MAF: variants seen among roughly 807,000 people sequenced by gnomAD.
MAF encodes transcription factor Maf.
In MAF, 10 loss-of-function variants were observed where a neutral mutation model predicts 22.0. That is an observed-to-expected ratio of 0.45 (90% CI 0.28 to 0.77). MAF has a LOEUF of 0.77. MAF is among the 30% of genes least tolerant of loss of function. The probability of loss-of-function intolerance (pLI) is 0.12; values close to 1 mark genes in which losing one functional copy is unlikely to be tolerated. For synonymous variants in MAF, 337 were observed against 255.8 expected (o/e 1.32, Z -3.03); for missense variants, 544 against 548.4 (o/e 0.99, Z 0.08).
chr16:79,315,398 T>C, the MAF span, among the ~76,000 whole-genome samples: 1 of 152,212 alleles, frequency 6.6e-6, no homozygotes, highest in Non-Finnish European at 1.5e-5. Flanking sequence ...AACTAACATC[T>C]ATTGATTATA....
the MAF span, among the ~76,000 whole-genome samples, chr16:79,227,764 C>G: frequency 2.4e-4 from 37 of 152,086 alleles, no homozygotes; most frequent in Middle Eastern, 3.4e-3. Context: ...ACATTTTACG[C>G]TACTCTAAAC....
chr16:79,587,624 A>G (rs1442397843), intron 1 of MAF, among the ~76,000 whole-genome samples: 4 of 152,208 alleles, frequency 2.6e-5, no homozygotes, highest in South Asian at 2.1e-4. Flanking sequence ...AAATTATTAC[A>G]GAGCAATAAT....
the MAF span, among the ~76,000 whole-genome samples, chr16:79,449,551 G>A: frequency 2.0e-5 from 3 of 152,122 alleles, no homozygotes; most frequent in African/African-American, 4.8e-5. Flanking sequence ...CTGCATGCAT[G>A]CAGCAAACAT....
chr16:79,247,245 C>T, the MAF span, among the ~76,000 whole-genome samples: 1 of 152,284 alleles, frequency 6.6e-6, no homozygotes, highest in East Asian at 1.9e-4. Flanking sequence ...CAAGATTCAG[C>T]AAGTGAGTCA....
At chr16:79,542,836 T>C in the MAF span, among the ~76,000 whole-genome samples, 3 of 152,214 alleles carry the variant, frequency 2.0e-5, no homozygotes, top group East Asian at 3.8e-4. Flanking sequence ...TGATAGACTT[T>C]AAGAAAGGAG....
At chr16:79,324,606 A>G in the MAF span, among the ~76,000 whole-genome samples, 1 of 152,114 alleles carries the variant, frequency 6.6e-6, no homozygotes, top group Non-Finnish European at 1.5e-5. Flanking sequence ...TAAGTAATTG[A>G]GTCGAAAACA....
the MAF span, among the ~76,000 whole-genome samples, chr16:79,492,576 G>A: frequency 6.6e-6 from 1 of 152,066 alleles, no homozygotes; most frequent in East Asian, 1.9e-4. Context: ...AGACACATAT[G>A]GGAACTTTAT....
the MAF span, among the ~76,000 whole-genome samples, chr16:79,215,502 C>G: frequency 1.3e-5 from 2 of 152,146 alleles, no homozygotes; most frequent in Non-Finnish European, 2.9e-5. Context: ...AGGTGCTGTG[C>G]AAAATGTCAA....
At chr16:79,212,686 G>GTTTC in the MAF span, 2 of 152,180 alleles carry the variant, frequency 1.3e-5, no homozygotes, top group African/African-American at 2.4e-5. Flanking sequence ...AGTTTGTATT[G>GTTTC]TTTCTTTAAA....
chr16:79,227,106 G>C, the MAF span, among the ~76,000 whole-genome samples: 1 of 152,094 alleles, frequency 6.6e-6, no homozygotes, highest in Non-Finnish European at 1.5e-5. Context: ...GGCAGGCTAA[G>C]GCAGCAGGAT....
the MAF span, among the ~76,000 whole-genome samples, chr16:79,452,289 C>G: frequency 1.3e-5 from 2 of 152,170 alleles, no homozygotes; most frequent in South Asian, 2.1e-4. Context: ...ATGAGCAACT[C>G]TAAGTATCTT....
the MAF span, among the ~76,000 whole-genome samples, chr16:79,249,443 T>C: frequency 6.9e-6 from 1 of 145,878 alleles, no homozygotes; most frequent in Non-Finnish European, 1.5e-5. Flanking sequence ...AAAAAGGAGG[T>C]TGAAGGATGC....
At chr16:79,371,215 G>C in the MAF span, among the ~76,000 whole-genome samples, 1 of 152,062 alleles carries the variant, frequency 6.6e-6, no homozygotes, top group Non-Finnish European at 1.5e-5. Context: ...CAACATAGTG[G>C]TCTCAGGGTA....
chr16:79,457,828 C>G, the MAF span, among the ~76,000 whole-genome samples: 3 of 152,062 alleles, frequency 2.0e-5, no homozygotes, highest in Non-Finnish European at 4.4e-5. Context: ...GAAATGCCAT[C>G]GCAATTGGAA....
chr16:79,345,321 C>A, the MAF span, among the ~76,000 whole-genome samples: 1 of 152,188 alleles, frequency 6.6e-6, no homozygotes, highest in Non-Finnish European at 1.5e-5. Flanking sequence ...GTTTAATCCT[C>A]ATTTCATCCA....
chr16:79,437,144 C>CTGTG, the MAF span, among the ~76,000 whole-genome samples: 232 of 84,968 alleles, frequency 2.7e-3, no homozygotes, highest in African/African-American at 8.1e-3. Context: ...CTCTCTCTCT[C>CTGTG]TCTGTGTGTG....
chr16:79,474,000 G>A, the MAF span, among the ~76,000 whole-genome samples: 4 of 152,098 alleles, frequency 2.6e-5, no homozygotes, highest in Non-Finnish European at 4.4e-5. Context: ...TAGTAGGGAT[G>A]AGCATTCTTA....
intron 1 of MAF, chr16:79,596,262 G>A (rs1263420115): frequency 2.8e-6 from 3 of 1,059,686 alleles, no homozygotes; most frequent in Non-Finnish European, 3.4e-6. Flanking sequence ...ACTTTGGGGA[G>A]AAAAAAATGA....
At chr16:79,471,330 C>T in the MAF span, among the ~76,000 whole-genome samples, 2 of 152,244 alleles carry the variant, frequency 1.3e-5, no homozygotes, top group African/African-American at 4.8e-5. Context: ...TCTCAGCACT[C>T]CCTGTTATTT....
Sources: gnomAD v4.1 joint callset for allele counts (sites outside exome capture counted in the v4.1 genomes callset) on GRCh38, gnomAD v4.1.1 for gene constraint, MANE v1.5 for transcripts, NCBI Gene and HGNC (gene_info 2026-07-23, HGNC 2026-07-21) for gene names.